ATAD3B: variants seen among roughly 807,000 people sequenced by gnomAD.
ATAD3B encodes the protein ATPase family AAA domain-containing protein 3B.
ATAD3B carries 59 observed loss-of-function variants against 70.2 expected under a neutral mutation model. The ratio of observed to expected loss-of-function variants is 0.84; its 90% confidence interval spans 0.68 to 1.04. The LOEUF (loss-of-function observed/expected upper bound fraction) is 1.04, where lower values mean the gene tolerates loss of function less well. Ranked by LOEUF, ATAD3B falls within the 50% of genes least tolerant of loss-of-function variation. The pLI is 0.00. For missense variants in ATAD3B, 961 were observed against 913.4 expected, an observed-to-expected ratio of 1.05 and a Z score of -0.67; for synonymous variants, 423 against 388.6, an observed-to-expected ratio of 1.09 and a Z score of -1.04.
intron 13 of ATAD3B, 164 bp downstream of exon 13, chr1:1,489,438 G>T (rs1344380755): frequency 1.8e-5 from 23 of 1,295,926 alleles, no homozygotes; most frequent in African/African-American, 1.5e-5. Flanking sequence ...ACAGCACGGG[G>T]TGTCATTGAG....
chr1:1,492,939 CA>C (rs113321433), intron 15 of ATAD3B, among the ~76,000 whole-genome samples: 288 of 126,630 alleles, frequency 2.3e-3, no homozygotes, highest in Middle Eastern at 4.0e-3. Context: ...ACTCCATCTC[CA>C]AAAAAAAAAA....
chr1:1,478,568 T>A (rs369198244), intron 2 of ATAD3B, 76 bp from the exon 3 acceptor site: 4 of 1,543,732 alleles, frequency 2.6e-6, no homozygotes, highest in Non-Finnish European at 3.5e-6. Flanking sequence ...GTGCCGGAGC[T>A]GTGCAGACAC....
intron 15 of ATAD3B, among the ~76,000 whole-genome samples, chr1:1,491,219 G>A (rs1159346586): frequency 3.3e-5 from 5 of 152,028 alleles, no homozygotes; most frequent in African/African-American, 1.2e-4. Flanking sequence ...AGACTCACTG[G>A]AGTGTGGGCA....
downstream of ATAD3B, among the ~76,000 whole-genome samples, chr1:1,498,641 C>G (rs757914598): frequency 2.4e-4 from 37 of 151,672 alleles, no homozygotes; most frequent in Non-Finnish European, 4.1e-4. Flanking sequence ...CTCCTGGGCT[C>G]AAGCGATCCT....
intron 1 of ATAD3B, among the ~76,000 whole-genome samples, chr1:1,473,343 T>A (rs1639429239): frequency 6.7e-6 from 1 of 150,314 alleles, no homozygotes; most frequent in African/African-American, 2.4e-5. Flanking sequence ...TTAGCCAGGA[T>A]GGTCTCGATC....
intron 15 of ATAD3B, among the ~76,000 whole-genome samples, chr1:1,491,060 G>A (rs931717706): frequency 2.0e-5 from 3 of 151,976 alleles, no homozygotes; most frequent in East Asian, 1.9e-4. Context: ...GTGGAGGGAC[G>A]TTGTGTTTCC....
At position 1,486,141 on chromosome 1, in the gene ATAD3B, C is replaced by T. The variant is rs930608720; in HGVS notation, c.995C>T (p.Ala332Val). 3.1e-6 allele frequency: 5 copies of T among 1,613,126 alleles called. No homozygotes were observed. The highest frequency in any genetic ancestry group is 4.2e-6 in the Non-Finnish European group (5 of 1,179,656). The change falls in exon 10 of 16, where the codon GCC becomes GTC. Residue 332 changes from alanine (A) to valine (V), a missense_variant. Physicochemically the swap from Ala to Val is moderately conservative, Grantham distance 64 (BLOSUM62 0). Coordinates refer to ENST00000673477, the MANE Select transcript of ATAD3B (RefSeq NM_031921.6). ...CTGGAAGCACGGGTGCGCGACATCG[C>T]CATAGCAACCAGGAACACCAAGAAG... ...PSLEARVRDI[A>V]IATRNTKKNR...
At chr1:1,485,275 G>A (rs1254533182) in intron 8 of ATAD3B, 104 bp downstream of exon 8, 268 of 1,513,660 alleles carry the variant, frequency 1.8e-4, no homozygotes, top group Middle Eastern at 9.7e-4. Flanking sequence ...CCCTTTCCCC[G>A]GATAACAGGC....
Position 1,496,399 on chromosome 1 carries a change from G to A in ATAD3B, c.*582G>A, listed in dbSNP as rs1046705042. ...AATGCTGCCCGGGACTGCCGCCTGC[G>A]CCCCACCAGCCCCTCCCTCCTGAAG... On this transcript the variant is annotated 3_prime_UTR_variant, in exon 16 of 16. Coordinates refer to ENST00000673477, the MANE Select transcript of ATAD3B (RefSeq NM_031921.6). 21 of 257,518 alleles carry A rather than the reference G, an allele frequency of 8.2e-5. 1 individual carries two copies. The highest frequency in any genetic ancestry group is 2.5e-4 in the African/African-American group (11 of 43,404). 16.0% of individuals were successfully genotyped at this position (257,518 alleles called of 1,614,324 possible). A position where few individuals can be genotyped will look rare whatever the true frequency, so the allele number is the denominator to read the frequency against.
chr1:1,508,001 T>C, the ATAD3B span, among the ~76,000 whole-genome samples: 1 of 152,210 alleles, frequency 6.6e-6, no homozygotes, highest in Non-Finnish European at 1.5e-5. Context: ...TCTGGTGGGC[T>C]CCTGCCAGGT....
downstream of ATAD3B, among the ~76,000 whole-genome samples, chr1:1,502,615 G>A (rs1012722638): frequency 6.8e-6 from 1 of 146,590 alleles, no homozygotes; most frequent in Non-Finnish European, 1.5e-5. Flanking sequence ...GGGTTCAAGT[G>A]ATTCTCCAGC....
chr1:1,498,259 C>T (rs1369394872), downstream of ATAD3B, among the ~76,000 whole-genome samples: 4 of 151,900 alleles, frequency 2.6e-5, no homozygotes, highest in African/African-American at 4.8e-5. Context: ...GCCAAGACCC[C>T]GCCATTGCAC....
At chr1:1,491,931 T>G (rs1459351814) in intron 15 of ATAD3B, among the ~76,000 whole-genome samples, 2 of 151,822 alleles carry the variant, frequency 1.3e-5, no homozygotes, top group Non-Finnish European at 2.9e-5. Flanking sequence ...GACGCTTGTA[T>G]TCCCAGCATT....
chr1:1,501,512 C>A (rs181909500), downstream of ATAD3B, among the ~76,000 whole-genome samples: 45 of 152,302 alleles, frequency 3.0e-4, no homozygotes, highest in African/African-American at 1.0e-3. Flanking sequence ...GCCTCGGCCT[C>A]CCAAAGTGCT....
At chr1:1,506,088 C>T in the ATAD3B span, among the ~76,000 whole-genome samples, 38 of 152,088 alleles carry the variant, frequency 2.5e-4, no homozygotes, top group African/African-American at 8.9e-4. Context: ...CAAAAATCAG[C>T]CAGGCATGGT....
intron 1 of ATAD3B, among the ~76,000 whole-genome samples, chr1:1,474,990 C>T (rs543922948): frequency 7.4e-4 from 110 of 149,286 alleles, no homozygotes; most frequent in African/African-American, 2.6e-3. Context: ...CTCCCACTTC[C>T]AGAAGCTGAA....
At chr1:1,480,071 C>T (rs147901708) in intron 4 of ATAD3B, among the ~76,000 whole-genome samples, 1,982 of 145,138 alleles carry the variant, frequency 0.014, 176 homozygotes, top group Middle Eastern at 0.045. Flanking sequence ...GCACACAGTC[C>T]CACACATGGG....
At chr1:1,507,474 T>C in the ATAD3B span, among the ~76,000 whole-genome samples, 1 of 152,248 alleles carries the variant, frequency 6.6e-6, no homozygotes, top group Non-Finnish European at 1.5e-5. Flanking sequence ...TTGCTTTTTG[T>C]ATGTTGAACA....
rs61737193 is a variant in ATAD3B at position 1,490,287 on chromosome 1, T to C, written c.1368T>C (p.Pro456=). 2,784 of 1,613,074 alleles carry C rather than the reference T, an allele frequency of 1.7e-3. 49 individuals carry two copies. The African/African-American group carries it at 0.032, about 19-fold the overall frequency. The change falls in exon 14 of 16, where the codon CCT becomes CCC. Residue 456 remains proline (P), a synonymous_variant. Coordinates refer to ENST00000673477, the MANE Select transcript of ATAD3B (RefSeq NM_031921.6). ...TGCTGGTCCTGGCCAGCAATCTGCC[T>C]GAGCAGTTCGACTGTGCCATCAACA... is the stretch of plus-strand genomic sequence containing the variant. ...KFMLVLASNL[P]EQFDCAINSR...
Sources: gnomAD v4.1 joint callset for allele counts (sites outside exome capture counted in the v4.1 genomes callset) on GRCh38, gnomAD v4.1.1 for gene constraint, MANE v1.5 for transcripts, NCBI Gene and HGNC (gene_info 2026-07-23, HGNC 2026-07-21) for gene names.